The following FYN variants were observed in gnomAD, a reference collection of about 807,000 sequenced individuals.
The protein encoded by FYN is tyrosine-protein kinase Fyn.
FYN carries 10 observed loss-of-function variants against 70.2 expected under a neutral mutation model. That is an observed-to-expected ratio of 0.14 (90% CI 0.09 to 0.24). The LOEUF is 0.24. Among genes scored for constraint, FYN ranks in the 10% least tolerant of loss-of-function variants. The pLI is 1.00. For synonymous variants in FYN, 236 were observed against 248.6 expected, an observed-to-expected ratio of 0.95 and a Z score of 0.48; for missense variants, 319 against 673.1, an observed-to-expected ratio of 0.47 and a Z score of 5.82.
intron 2 of FYN, among the ~76,000 whole-genome samples, chr6:111,795,693 A>G (rs1321693913): frequency 6.6e-6 from 1 of 152,258 alleles, no homozygotes; most frequent in African/African-American, 2.4e-5. Context: ...AGACACAGAA[A>G]GAGAAAAGAG....
chr6:111,673,102 C>A (rs973405218), intron 13 of FYN, among the ~76,000 whole-genome samples: 6 of 152,120 alleles, frequency 3.9e-5, no homozygotes, highest in Admixed American at 2.0e-4. Context: ...GAAATCAGTT[C>A]AAAATTCAGA....
At chr6:111,771,484 T>G (rs1803448816) in intron 3 of FYN, among the ~76,000 whole-genome samples, 1 of 152,192 alleles carries the variant, frequency 6.6e-6, no homozygotes, top group Admixed American at 6.5e-5. Context: ...TAAATAACAC[T>G]TCTATGAAAC....
intron 1 of FYN, among the ~76,000 whole-genome samples, chr6:111,857,672 A>T (rs892493583): frequency 6.6e-6 from 1 of 152,048 alleles, no homozygotes; most frequent in Non-Finnish European, 1.5e-5. Context: ...CTTGATTATG[A>T]TCATTGCATT....
At chr6:111,738,424 G>T (rs1006165158) in intron 3 of FYN, among the ~76,000 whole-genome samples, 1 of 152,206 alleles carries the variant, frequency 6.6e-6, no homozygotes, top group African/African-American at 2.4e-5. Context: ...TTTGGAGTCA[G>T]GTGCCCCCAA....
intron 3 of FYN, among the ~76,000 whole-genome samples, chr6:111,731,509 T>C (rs1435900831): frequency 6.6e-6 from 1 of 152,180 alleles, no homozygotes; most frequent in Non-Finnish European, 1.5e-5. Context: ...CTTTGAAGAA[T>C]AACATGAAGC....
At chr6:111,798,557 T>G (rs1280865120) in intron 2 of FYN, 1 of 152,186 alleles carries the variant, frequency 6.6e-6, no homozygotes, top group Non-Finnish European at 1.5e-5. Flanking sequence ...TGGGCTGACA[T>G]TTGTCCTACA....
Position 111,694,298 on chromosome 6 carries a change from A to G in FYN, c.1273+77T>C, listed in dbSNP as rs1419028835. The G allele has an allele frequency of 1.3e-6, 2 of 1,523,214 alleles. No homozygotes were observed. The highest frequency in any genetic ancestry group is 1.4e-5 in the African/African-American group (1 of 72,942). 94.4% of individuals were successfully genotyped at this position (1,523,214 alleles called of 1,614,324 possible). ...GTATTTTCTGAAGGAAGGGAAGGGA[A>G]GGAGGAAGGAAGGGCTGTGCAGTAA... On this transcript the variant is annotated intron_variant, in intron 12 of 13. Coordinates refer to ENST00000354650, the MANE Select transcript of FYN (RefSeq NM_002037.5). The surrounding 1 kb of genome is among the most constrained non-coding windows in gnomAD (Gnocchi z 5.0).
intron 2 of FYN, among the ~76,000 whole-genome samples, chr6:111,804,470 C>T (rs571090476): frequency 2.6e-5 from 4 of 152,226 alleles, no homozygotes; most frequent in South Asian, 4.1e-4. Flanking sequence ...CATCGCAAAA[C>T]CAATGAATTT....
intron 3 of FYN, among the ~76,000 whole-genome samples, chr6:111,762,334 T>A (rs1392436492): frequency 1.3e-5 from 2 of 152,146 alleles, no homozygotes; most frequent in Non-Finnish European, 2.9e-5. Context: ...TTGTAAACGA[T>A]AATAAAATTC....
At chr6:111,855,803 C>T (rs1276424870) in intron 1 of FYN, among the ~76,000 whole-genome samples, 1 of 152,158 alleles carries the variant, frequency 6.6e-6, no homozygotes, top group African/African-American at 2.4e-5. Flanking sequence ...AGCCTGTAGC[C>T]AACTGCAGTT....
At chr6:111,668,947 A>T (rs964316619) in intron 13 of FYN, among the ~76,000 whole-genome samples, 1 of 152,156 alleles carries the variant, frequency 6.6e-6, no homozygotes, top group Non-Finnish European at 1.5e-5. Context: ...AGGAAAATGT[A>T]TCTACGGTTC....
intron 2 of FYN, among the ~76,000 whole-genome samples, chr6:111,836,439 T>G (rs1209732271): frequency 6.6e-6 from 1 of 151,676 alleles, no homozygotes; most frequent in Non-Finnish European, 1.5e-5. Flanking sequence ...AATTTTTAAA[T>G]TATATTTCCA....
intron 1 of FYN, among the ~76,000 whole-genome samples, chr6:111,869,253 G>A (rs1481087809): frequency 6.6e-6 from 1 of 152,244 alleles, no homozygotes; most frequent in Non-Finnish European, 1.5e-5. Context: ...AGTGACAGAG[G>A]AGACCCATGT....
intron 2 of FYN, among the ~76,000 whole-genome samples, chr6:111,802,446 T>A (rs932093627): frequency 6.6e-6 from 1 of 152,054 alleles, no homozygotes; most frequent in African/African-American, 2.4e-5. Flanking sequence ...CTTTTTTTTT[T>A]CTTTGAGACA....
intron 13 of FYN, among the ~76,000 whole-genome samples, chr6:111,666,064 C>T (rs1325436615): frequency 8.0e-6 from 1 of 124,738 alleles, no homozygotes; most frequent in Non-Finnish European, 1.7e-5. Flanking sequence ...TGCAGTGGCA[C>T]AATCTCGGCT....
intron 2 of FYN, among the ~76,000 whole-genome samples, chr6:111,817,062 T>C (rs775018200): frequency 2.6e-5 from 4 of 151,628 alleles, no homozygotes; most frequent in Non-Finnish European, 4.4e-5. Context: ...TGATGTAAAA[T>C]TATATTCAAC....
intron 1 of FYN, among the ~76,000 whole-genome samples, chr6:111,870,176 G>C (rs1307398031): frequency 6.6e-6 from 1 of 152,190 alleles, no homozygotes; most frequent in Non-Finnish European, 1.5e-5. Context: ...AGTAAAGAAT[G>C]TGAGAGGAAG....
At chr6:111,725,662 G>A (rs1183327546) in intron 3 of FYN, among the ~76,000 whole-genome samples, 1 of 152,184 alleles carries the variant, frequency 6.6e-6, no homozygotes, top group Non-Finnish European at 1.5e-5. Context: ...AATGGCCCCA[G>A]CCCAGCTATG....
At chr6:111,662,306 A>G (rs974907712) in intron 13 of FYN, among the ~76,000 whole-genome samples, 6 of 152,250 alleles carry the variant, frequency 3.9e-5, no homozygotes, top group Admixed American at 3.9e-4. Flanking sequence ...AAGGGGCCAG[A>G]GGGAACTCCA....
Sources: allele counts gnomAD v4.1 joint callset (sites outside exome capture counted in the v4.1 genomes callset), GRCh38; gene constraint gnomAD v4.1.1; non-coding constraint Gnocchi (gnomAD v3.1); transcripts MANE v1.5; gene names NCBI Gene and HGNC (gene_info 2026-07-23, HGNC 2026-07-21).